KLHL6: variants seen among roughly 807,000 people sequenced by gnomAD.
The protein encoded by KLHL6 is kelch-like protein 6.
Under a neutral mutation model 58.6 loss-of-function variants are expected in KLHL6, and 41 were observed. That is an observed-to-expected ratio of 0.70 (90% CI 0.55 to 0.91). The LOEUF is 0.91. KLHL6 is among the 40% of genes least tolerant of loss of function. The pLI is 0.00. For missense variants in KLHL6, 714 were observed against 805.6 expected, an observed-to-expected ratio of 0.89 and a Z score of 1.38; for synonymous variants, 338 against 322.7, an observed-to-expected ratio of 1.05 and a Z score of -0.51.
intron 1 of KLHL6, among the ~76,000 whole-genome samples, chr3:183,540,662 C>T (rs147226726): frequency 3.9e-5 from 6 of 152,168 alleles, no homozygotes; most frequent in South Asian, 2.1e-4. Flanking sequence ...CCTCAGCCTC[C>T]GAAGTAGCTG....
At chr3:183,514,064 G>C (rs1257228359) in intron 2 of KLHL6, among the ~76,000 whole-genome samples, 1 of 152,172 alleles carries the variant, frequency 6.6e-6, no homozygotes, top group Admixed American at 6.5e-5. Context: ...CCTTTTTTAT[G>C]GCTGCGAGCA....
Position 183,492,361 on chromosome 3 carries a change from C to A in KLHL6, c.1564+133G>T. On this transcript the variant is annotated intron_variant, in intron 6 of 6. Coordinates refer to ENST00000341319, the MANE Select transcript of KLHL6 (RefSeq NM_130446.4). The surrounding 1 kb of genome is among the most constrained non-coding windows in gnomAD (Gnocchi z 5.9). ...AGAGAAACAGTCGATTGATGGCTCT[C>A]CTGAAAGCCAGAGTGGGTCCTAGGG... The A allele has an allele frequency of 7.7e-7, 1 of 1,306,512 alleles. No individual in the cohort carries two copies. The highest frequency in any genetic ancestry group is 1.1e-6 in the Non-Finnish European group (1 of 947,458). 80.9% of individuals were successfully genotyped at this position (1,306,512 alleles called of 1,614,324 possible).
intron 1 of KLHL6, among the ~76,000 whole-genome samples, chr3:183,541,821 A>C (rs1050894379): frequency 6.6e-6 from 1 of 152,222 alleles, no homozygotes; most frequent in Admixed American, 6.5e-5. Flanking sequence ...CAAGAATTGC[A>C]AGTCCAGAAC....
intron 1 of KLHL6, among the ~76,000 whole-genome samples, chr3:183,532,721 G>T (rs1712202212): frequency 1.3e-5 from 2 of 152,192 alleles, no homozygotes; most frequent in Admixed American, 1.3e-4. Flanking sequence ...GGACAGGAGA[G>T]GGATGAAACA....
At position 183,492,092 on chromosome 3, in the gene KLHL6, G is replaced by C. The variant is rs769019214; in HGVS notation, c.1701C>G (p.Asp567Glu). 5.8e-5 allele frequency: 93 copies of C among 1,613,650 alleles called. 1 individual carries two copies. Among genetic ancestry groups the C allele is most frequent in the Non-Finnish European group, 5.2e-5 (61 of 1,180,012 alleles). The change falls in exon 7 of 7, where the codon GAC (aspartate) becomes GAG (glutamate). Residue 567 changes from aspartate to glutamate, a missense_variant. Around this residue, in one of 2 missense-constraint regions of KLHL6, gnomAD observed 510 missense variants for 629.7 expected, o/e 0.81. Transcript: ENST00000341319. This position sits in a 1 kb window ranked among gnomAD's most constrained non-coding sequence, Gnocchi z 5.9. Reference sequence around the variant, plus strand: ...CCGTGGCGATAACCTCGTTCTTCTCGTCCCGCCCGCCGGTGATGTAGAGCC... The same window carrying C: ...CCGTGGCGATAACCTCGTTCTTCTCCTCCCGCCCGCCGGTGATGTAGAGCC... ...NNRLYITGGR[D>E]EKNEVIATVL...
rs1373189579 is a variant in KLHL6 at position 183,488,084 on chromosome 3, G to A, written c.*3843C>T. On this transcript the variant is annotated 3_prime_UTR_variant, in exon 7 of 7. Coordinates refer to ENST00000341319, the MANE Select transcript of KLHL6 (RefSeq NM_130446.4). ...AAGGGCATGGTGTATGTGTATATGT[G>A]TGTTTCCCGAAGCCATTGAGACCAG... The A allele has an allele frequency of 6.6e-6, 1 of 152,244 alleles. No homozygotes were observed. Among genetic ancestry groups the A allele is most frequent in the African/African-American group, 2.4e-5 (1 of 41,464 alleles). The allele number at this position is 152,244 out of a possible 1,614,324, so 9.4% of individuals were successfully genotyped here. A position where few individuals can be genotyped will look rare whatever the true frequency, so the allele number is the denominator to read the frequency against.
chr3:183,542,087 T>C (rs1712572905), intron 1 of KLHL6, among the ~76,000 whole-genome samples: 1 of 152,146 alleles, frequency 6.6e-6, no homozygotes, highest in Non-Finnish European at 1.5e-5. Context: ...TCAGAGAGGA[T>C]GTGAATGTTG....
intron 4 of KLHL6, among the ~76,000 whole-genome samples, chr3:183,498,024 A>G (rs1717763594): frequency 6.6e-6 from 1 of 152,126 alleles, no homozygotes; most frequent in Non-Finnish European, 1.5e-5. Flanking sequence ...TCACAAGGTC[A>G]GGAGTTCAAG....
intron 1 of KLHL6, among the ~76,000 whole-genome samples, chr3:183,554,664 A>G (rs899691748): frequency 1.3e-5 from 2 of 152,212 alleles, no homozygotes; most frequent in African/African-American, 4.8e-5. Flanking sequence ...GAGGGGCCAC[A>G]TCCTTTTTCT....
rs201676125 is a variant in KLHL6 at position 183,492,708 on chromosome 3, C to A, written c.1351-1G>T. The A allele has an allele frequency of 1.8e-5, 29 of 1,612,778 alleles. No homozygotes were observed. The highest frequency in any genetic ancestry group is 2.7e-5 in the African/African-American group (2 of 74,882). On this transcript the variant is annotated splice_acceptor_variant, in intron 5 of 6. Coordinates refer to ENST00000341319, the MANE Select transcript of KLHL6 (RefSeq NM_130446.4). LOFTEE classifies it high-confidence loss of function. This position sits in a 1 kb window ranked among gnomAD's most constrained non-coding sequence, Gnocchi z 5.9. ...TGACATGGACAAGGAGGGGTGCGGC[C>A]TGTAGAGGCACAGGGCACAAGAAGA... is the stretch of plus-strand genomic sequence containing the variant.
At position 183,508,305 on chromosome 3, in the gene KLHL6, G is replaced by A. The variant is rs1378605588; in HGVS notation, c.663C>T (p.Ile221=). 1.2e-6 allele frequency: 2 copies of A among 1,614,210 alleles called. No homozygotes were observed. Among genetic ancestry groups the A allele is most frequent in the Non-Finnish European group, 1.7e-6 (2 of 1,180,022 alleles). Residue 221 remains isoleucine, a synonymous_variant, in exon 3 of 7, where the codon ATC becomes ATT. Transcript: ENST00000341319. ...TCACGTAAAGGTCATCACTCTTCAAGATGTGGTGCAGAGTGTCCACGGGCA... is the reference window on the plus strand; with the variant it reads ...TCACGTAAAGGTCATCACTCTTCAAAATGTGGTGCAGAGTGTCCACGGGCA... ...LDLPVDTLHH[I]LKSDDLYVTE... is the part of the protein sequence containing the mutation.
At position 183,489,960 on chromosome 3, in the gene KLHL6, A is replaced by G. The variant is rs1717499184; in HGVS notation, c.*1967T>C. Reference sequence around the variant, plus strand: ...CAAGCCACACCGGATATGAAATAAAACTCTATAAAGAGAATTGAAATCATA... The same window carrying G: ...CAAGCCACACCGGATATGAAATAAAGCTCTATAAAGAGAATTGAAATCATA... On this transcript the variant is annotated 3_prime_UTR_variant, in exon 7 of 7. Transcript: ENST00000341319. 1 of 152,214 alleles carries G rather than the reference A, an allele frequency of 6.6e-6. No homozygotes were observed. The highest frequency in any genetic ancestry group is 2.4e-5 in the African/African-American group (1 of 41,444). 9.4% of individuals were successfully genotyped at this position (152,214 alleles called of 1,614,324 possible). A position where few individuals can be genotyped will look rare whatever the true frequency, so the allele number is the denominator to read the frequency against.
At chr3:183,521,004 A>T (rs1344067039) in intron 2 of KLHL6, 5 of 152,044 alleles carry the variant, frequency 3.3e-5, no homozygotes, top group Non-Finnish European at 7.3e-5. Context: ...GTCGGGAGAA[A>T]CCTTGGACAA....
chr3:183,524,801 T>C (rs1469352591), intron 2 of KLHL6, among the ~76,000 whole-genome samples: 2 of 152,326 alleles, frequency 1.3e-5, no homozygotes, highest in East Asian at 1.9e-4. Flanking sequence ...GATAATCTGA[T>C]TCCTGTTCAT....
At chr3:183,527,716 T>TG in intron 2 of KLHL6, 129 bp downstream of exon 2, 1 of 723,956 alleles carries the variant, frequency 1.4e-6, no homozygotes, top group Non-Finnish European at 2.3e-6. Flanking sequence ...GTGTGTGTGT[T>TG]TGTGTGCGTG....
intron 3 of KLHL6, among the ~76,000 whole-genome samples, chr3:183,506,298 A>G (rs1482494247): frequency 6.6e-6 from 1 of 152,228 alleles, no homozygotes; most frequent in African/African-American, 2.4e-5. Flanking sequence ...TCCAAATGAC[A>G]TGTTTATTCA....
intron 2 of KLHL6, among the ~76,000 whole-genome samples, chr3:183,512,411 G>A (rs1020355291): frequency 6.6e-6 from 1 of 151,976 alleles, no homozygotes; most frequent in Non-Finnish European, 1.5e-5. Flanking sequence ...TGTTTAAGAA[G>A]AATCCTTATC....
chr3:183,537,174 A>G (rs1431970299), intron 1 of KLHL6, among the ~76,000 whole-genome samples: 1 of 152,206 alleles, frequency 6.6e-6, no homozygotes, highest in Admixed American at 6.5e-5. Flanking sequence ...TGGGAGATCC[A>G]TGGACACACT....
In KLHL6 at chr3:183,492,425, G is replaced by A. The variant is rs1717588232; in HGVS notation, c.1564+69C>T. The A allele has an allele frequency of 3.2e-6, 5 of 1,550,656 alleles. No homozygotes were observed. Among genetic ancestry groups the A allele is most frequent in the South Asian group, 2.3e-5 (2 of 87,382 alleles). On this transcript the variant is annotated intron_variant, in intron 6 of 6. Coordinates refer to ENST00000341319, the MANE Select transcript of KLHL6 (RefSeq NM_130446.4). This position sits in a 1 kb window ranked among gnomAD's most constrained non-coding sequence, Gnocchi z 5.9. The stretch of plus-strand genomic sequence containing the variant: ...AGCGCTGGAGACACCGCGACACACC[G>A]TTTACGTGCTGCAGCCAGGCGCTCA...
Sources: gnomAD v4.1 joint callset for allele counts (sites outside exome capture counted in the v4.1 genomes callset) on GRCh38, gnomAD v4.1.1 for gene constraint, gnomAD v4.1.1 regional missense constraint, Gnocchi (gnomAD v3.1) non-coding constraint, MANE v1.5 for transcripts, NCBI Gene and HGNC (gene_info 2026-07-23, HGNC 2026-07-21) for gene names.